The following SCAND3 variants were observed in gnomAD, a reference collection of about 807,000 sequenced individuals.
The protein encoded by SCAND3 is SCAN domain-containing protein 3.
At chr6:28,589,145 C>T in the SCAND3 span, 2 of 152,090 alleles carry the variant, frequency 1.3e-5, no homozygotes, top group African/African-American at 4.8e-5. Flanking sequence ...AAATCTGCCC[C>T]GGTTGATTTC....
chr6:28,579,164 T>A, the SCAND3 span: 1 of 1,005,412 alleles, frequency 9.9e-7, no homozygotes, highest in Admixed American at 2.3e-5. The surrounding 1 kb of genome is among the most constrained non-coding windows in gnomAD (Gnocchi z 4.5). Context: ...CTTCAACTAT[T>A]AATACATTCA....
At chr6:28,600,420 G>A in the SCAND3 span, among the ~76,000 whole-genome samples, 9 of 152,114 alleles carry the variant, frequency 5.9e-5, no homozygotes, top group Non-Finnish European at 7.4e-5. Flanking sequence ...ACTACTTGAG[G>A]CCAGGAGTTC....
At chr6:28,594,863 T>C in the SCAND3 span, among the ~76,000 whole-genome samples, 2 of 152,034 alleles carry the variant, frequency 1.3e-5, no homozygotes, top group Non-Finnish European at 2.9e-5. Flanking sequence ...ATTAGAATAA[T>C]GGTTACCAGA....
the SCAND3 span, among the ~76,000 whole-genome samples, chr6:28,614,933 A>G: frequency 6.6e-6 from 1 of 152,246 alleles, no homozygotes; most frequent in South Asian, 2.1e-4. Context: ...TTAAAACAAT[A>G]TGTTCAAGAT....
chr6:28,583,409 A>T, the SCAND3 span, among the ~76,000 whole-genome samples: 1 of 152,038 alleles, frequency 6.6e-6, no homozygotes, highest in Non-Finnish European at 1.5e-5. Context: ...AAACAACAAC[A>T]ACAACAATTC....
At chr6:28,589,320 G>C in the SCAND3 span, 7 of 152,170 alleles carry the variant, frequency 4.6e-5, no homozygotes, top group African/African-American at 1.7e-4. Context: ...GAACTAGAAA[G>C]TTTATTATCA....
chr6:28,604,374 T>C, the SCAND3 span, among the ~76,000 whole-genome samples: 5 of 152,138 alleles, frequency 3.3e-5, no homozygotes, highest in Non-Finnish European at 7.4e-5. Flanking sequence ...CTCAGTACTT[T>C]GGGAGGCTGA....
At chr6:28,574,807 T>A in the SCAND3 span, 2 of 1,614,136 alleles carry the variant, frequency 1.2e-6, no homozygotes, top group African/African-American at 1.3e-5. Context: ...CTCAGTCCCA[T>A]GTTGAGAGGG....
At chr6:28,584,106 C>T in the SCAND3 span, among the ~76,000 whole-genome samples, 1 of 152,140 alleles carries the variant, frequency 6.6e-6, no homozygotes, top group Non-Finnish European at 1.5e-5. Flanking sequence ...AATGTTGAAT[C>T]ATTTACAGAA....
the SCAND3 span, chr6:28,573,967 T>A: frequency 8.8e-7 from 1 of 1,133,710 alleles, no homozygotes; most frequent in Non-Finnish European, 1.2e-6. Context: ...AATAAATGCC[T>A]ATATTTTCTC....
the SCAND3 span, among the ~76,000 whole-genome samples, chr6:28,592,000 A>T: frequency 6.6e-6 from 1 of 152,234 alleles, no homozygotes; most frequent in African/African-American, 2.4e-5. Context: ...TGAAGGATAA[A>T]AACCATGTGA....
chr6:28,590,281 G>A, the SCAND3 span: 1 of 152,208 alleles, frequency 6.6e-6, no homozygotes, highest in Admixed American at 6.6e-5. Flanking sequence ...TGAAAGGAGG[G>A]GGCTCCCTGA....
the SCAND3 span, among the ~76,000 whole-genome samples, chr6:28,603,594 A>T: frequency 6.6e-6 from 1 of 151,598 alleles, no homozygotes; most frequent in Admixed American, 6.6e-5. Flanking sequence ...CCAATTTGGG[A>T]AATTTTCCAG....
At chr6:28,608,497 G>A in the SCAND3 span, among the ~76,000 whole-genome samples, 2 of 151,948 alleles carry the variant, frequency 1.3e-5, no homozygotes, top group Non-Finnish European at 2.9e-5. Flanking sequence ...CACCTCCACT[G>A]CCCCAACACA....
At chr6:28,592,778 C>T in the SCAND3 span, among the ~76,000 whole-genome samples, 2 of 152,058 alleles carry the variant, frequency 1.3e-5, no homozygotes, top group African/African-American at 2.4e-5. The surrounding 1 kb of genome is among the most constrained non-coding windows in gnomAD (Gnocchi z 4.1). Flanking sequence ...TATTTATTGT[C>T]GATTGATTTT....
the SCAND3 span, among the ~76,000 whole-genome samples, chr6:28,613,291 G>A: frequency 4.6e-5 from 7 of 152,070 alleles, no homozygotes; most frequent in African/African-American, 1.7e-4. Flanking sequence ...TCAGAGAGGT[G>A]GTTTAACAAT....
chr6:28,588,977 CTAGTATAGTGAAAAT>C, the SCAND3 span, among the ~76,000 whole-genome samples: 1 of 152,176 alleles, frequency 6.6e-6, no homozygotes, highest in Non-Finnish European at 1.5e-5. This position sits in a 1 kb window ranked among gnomAD's most constrained non-coding sequence, Gnocchi z 4.1. Context: ...CAAAAGTATG[CTAGTATAGTGAAAAT>C]TAGTTAAGAC....
chr6:28,583,117 G>A, the SCAND3 span, among the ~76,000 whole-genome samples: 1 of 151,864 alleles, frequency 6.6e-6, no homozygotes, highest in African/African-American at 2.4e-5. Context: ...GGTGGGTCGG[G>A]CACGGTGGCT....
the SCAND3 span, chr6:28,593,461 G>A: frequency 3.3e-5 from 5 of 151,726 alleles, no homozygotes; most frequent in African/African-American, 1.2e-4. Context: ...GATCACCTGA[G>A]GTCAGGAGTT....
Sources: gnomAD v4.1 joint callset for allele counts (sites outside exome capture counted in the v4.1 genomes callset) on GRCh38, gnomAD v4.1.1 for gene constraint, Gnocchi (gnomAD v3.1) non-coding constraint, MANE v1.5 for transcripts, NCBI Gene and HGNC (gene_info 2026-07-23, HGNC 2026-07-21) for gene names.